Variants in LRBA observed in about 807,000 individuals in gnomAD.
LRBA encodes the protein LPS responsive beige-like anchor protein, also known as lipopolysaccharide-responsive and beige-like anchor protein.
LRBA carries 176 observed loss-of-function variants against 330.0 expected under a neutral mutation model. The ratio of observed to expected loss-of-function variants is 0.53; its 90% CI spans 0.47 to 0.60. The LOEUF is 0.60. Ranked by LOEUF, LRBA falls within the 20% of genes least tolerant of loss-of-function variation. The pLI is 0.00. For missense variants in LRBA, 3,259 were observed against 3,444.8 expected, an observed-to-expected ratio of 0.95 and a Z score of 1.35; for synonymous variants, 1,230 against 1,193.0, an observed-to-expected ratio of 1.03 and a Z score of -0.64.
intron 53 of LRBA, among the ~76,000 whole-genome samples, chr4:150,298,797 G>T (rs1270976652): frequency 6.6e-6 from 1 of 151,958 alleles, no homozygotes; most frequent in Non-Finnish European, 1.5e-5. Context: ...AAACCAGAAT[G>T]CGAGAATGGA....
intron 50 of LRBA, among the ~76,000 whole-genome samples, chr4:150,316,635 T>C (rs957306749): frequency 5.3e-5 from 8 of 152,194 alleles, no homozygotes; most frequent in African/African-American, 1.7e-4. Flanking sequence ...ACATTATTGC[T>C]TGGTTGGTAT....
intron 17 of LRBA, among the ~76,000 whole-genome samples, chr4:150,883,286 C>T (rs745961517): frequency 5.6e-4 from 85 of 151,936 alleles, no homozygotes; most frequent in Non-Finnish European, 1.8e-4. Context: ...CATGGTGAAA[C>T]GTGTCTCTAC....
intron 43 of LRBA, among the ~76,000 whole-genome samples, chr4:150,468,198 C>G (rs1581403221): frequency 6.6e-6 from 1 of 151,990 alleles, no homozygotes; most frequent in East Asian, 1.9e-4. Flanking sequence ...AAACAAGAAT[C>G]CTTTCTCTGC....
chr4:150,780,009 C>G (rs906744880), intron 34 of LRBA, among the ~76,000 whole-genome samples: 1 of 152,168 alleles, frequency 6.6e-6, no homozygotes, highest in African/African-American at 2.4e-5. Flanking sequence ...CTGCTGACTT[C>G]TGCATGCTCA....
chr4:150,627,648 C>A (rs1311188817), intron 37 of LRBA, among the ~76,000 whole-genome samples: 1 of 151,898 alleles, frequency 6.6e-6, no homozygotes, highest in Non-Finnish European at 1.5e-5. Flanking sequence ...CTTGTTGCAA[C>A]AAATTATGCA....
chr4:150,270,642 T>C (rs1330713250), intron 56 of LRBA, among the ~76,000 whole-genome samples: 2 of 152,202 alleles, frequency 1.3e-5, no homozygotes, highest in African/African-American at 4.8e-5. Context: ...CTAAATTATA[T>C]ATCGAAAAGA....
intron 36 of LRBA, among the ~76,000 whole-genome samples, chr4:150,713,668 C>G (rs143417374): frequency 6.6e-6 from 1 of 152,216 alleles, no homozygotes; most frequent in African/African-American, 2.4e-5. Flanking sequence ...CAGATAAAAT[C>G]ATGTGGCCTA....
chr4:150,735,001 A>G (rs1220613528), intron 36 of LRBA, among the ~76,000 whole-genome samples: 1 of 152,154 alleles, frequency 6.6e-6, no homozygotes, highest in Non-Finnish European at 1.5e-5. Context: ...TTTACCTCTG[A>G]TTATTAAGAT....
chr4:150,569,840 CAAAGA>C (rs1369257420), intron 40 of LRBA, among the ~76,000 whole-genome samples: 2 of 151,964 alleles, frequency 1.3e-5, no homozygotes, highest in Non-Finnish European at 2.9e-5. Context: ...GAAAATTAAA[CAAAGA>C]AAAGAACTGA....
intron 40 of LRBA, among the ~76,000 whole-genome samples, chr4:150,551,858 T>C (rs1766639738): frequency 6.6e-6 from 1 of 152,182 alleles, no homozygotes; most frequent in South Asian, 2.1e-4. Context: ...ACATATAATT[T>C]CTTACATCAT....
At chr4:150,600,488 C>A (rs140972880) in intron 37 of LRBA, among the ~76,000 whole-genome samples, 1 of 151,918 alleles carries the variant, frequency 6.6e-6, no homozygotes, top group Admixed American at 6.6e-5. Flanking sequence ...ATAAACAGTA[C>A]GTTATTTAAA....
intron 2 of LRBA, among the ~76,000 whole-genome samples, chr4:150,965,706 A>ATT (rs1257657642): frequency 7.7e-5 from 11 of 142,046 alleles, no homozygotes; most frequent in African/African-American, 1.8e-4. Context: ...TGCCCGGCTA[A>ATT]TTTTTTTTTT....
chr4:150,294,987 T>A (rs1018251550), intron 53 of LRBA, among the ~76,000 whole-genome samples: 1 of 151,982 alleles, frequency 6.6e-6, no homozygotes, highest in African/African-American at 2.4e-5. Context: ...AGCAACAGAA[T>A]GATCCCTTTT....
At chr4:150,555,127 G>C (rs1767125441) in intron 40 of LRBA, among the ~76,000 whole-genome samples, 2 of 152,010 alleles carry the variant, frequency 1.3e-5, no homozygotes, top group African/African-American at 4.8e-5. Flanking sequence ...TTTAAACAAG[G>C]GGAGGAAGGA....
chr4:150,340,022 T>C (rs1735297033), intron 48 of LRBA, among the ~76,000 whole-genome samples: 1 of 152,098 alleles, frequency 6.6e-6, no homozygotes, highest in African/African-American at 2.4e-5. Context: ...TCACGAGATC[T>C]GATGGTTTTA....
intron 35 of LRBA, among the ~76,000 whole-genome samples, chr4:150,746,053 C>G (rs1732675003): frequency 6.6e-6 from 1 of 152,170 alleles, no homozygotes; most frequent in Non-Finnish European, 1.5e-5. Context: ...TACATCACCA[C>G]CATGAGTAGT....
At chr4:150,922,183 A>C (rs949040715) in intron 4 of LRBA, among the ~76,000 whole-genome samples, 5 of 152,144 alleles carry the variant, frequency 3.3e-5, no homozygotes, top group African/African-American at 1.2e-4. Context: ...TTAAAAATAT[A>C]AACTACATCA....
intron 4 of LRBA, among the ~76,000 whole-genome samples, chr4:150,927,666 C>A (rs570703919): frequency 6.6e-6 from 1 of 152,108 alleles, no homozygotes; most frequent in African/African-American, 2.4e-5. Context: ...AATTTTGTGA[C>A]AATTATCTTA....
At chr4:150,482,088 A>G (rs972821298) in intron 42 of LRBA, among the ~76,000 whole-genome samples, 5 of 152,114 alleles carry the variant, frequency 3.3e-5, no homozygotes, top group Non-Finnish European at 7.4e-5. Flanking sequence ...TAGGTGTACA[A>G]TATAATGAGT....
Sources: allele counts gnomAD v4.1 joint callset (sites outside exome capture counted in the v4.1 genomes callset), GRCh38; gene constraint gnomAD v4.1.1; transcripts MANE v1.5; gene names NCBI Gene and HGNC (gene_info 2026-07-23, HGNC 2026-07-21).